ADAM7: variants seen among roughly 807,000 people sequenced by gnomAD.
ADAM7 encodes ADAM metallopeptidase domain 7, also known as disintegrin and metalloproteinase domain-containing protein 7.
ADAM7 carries 97 observed loss-of-function variants against 102.9 expected under a neutral mutation model. The observed-to-expected ratio is 0.94, with a 90% CI of 0.80 to 1.12. The LOEUF (loss-of-function observed/expected upper bound fraction) is 1.12, where lower values mean the gene tolerates loss of function less well. Ranked by LOEUF, ADAM7 falls within the 50% of genes most tolerant of loss-of-function variation. The pLI is 0.00. For synonymous variants in ADAM7, 334 were observed against 304.4 expected, an observed-to-expected ratio of 1.10 and a Z score of -1.01; for missense variants, 991 against 908.7, an observed-to-expected ratio of 1.09 and a Z score of -1.16.
At chr8:24,447,298 T>C in intron 3 of ADAM7, 36 bp downstream of exon 3, 1 of 1,250,874 alleles carries the variant, frequency 8.0e-7, no homozygotes, top group Non-Finnish European at 1.1e-6. Context: ...CTTATAGATT[T>C]TAGTAATTAT....
intron 10 of ADAM7, among the ~76,000 whole-genome samples, chr8:24,486,407 G>A (rs1295732539): frequency 6.6e-6 from 1 of 152,100 alleles, no homozygotes. Context: ...GTATAGCATT[G>A]TTGTGCAATG....
chr8:24,457,338 C>T (rs1338550365), intron 3 of ADAM7, among the ~76,000 whole-genome samples: 5 of 152,084 alleles, frequency 3.3e-5, no homozygotes, highest in Non-Finnish European at 5.9e-5. Context: ...TAGAGTGGCA[C>T]GATCTTGGCT....
intron 3 of ADAM7, among the ~76,000 whole-genome samples, chr8:24,449,886 G>A (rs1237935915): frequency 1.3e-5 from 2 of 152,110 alleles, no homozygotes; most frequent in Admixed American, 1.3e-4. Flanking sequence ...AGTTTTCCCA[G>A]CACCATTTAT....
rs1412770317 is a variant in ADAM7, at chr8:24,493,173, C to G, written c.1786C>G (p.His596Asp). 1 of 1,612,856 alleles carries G rather than the reference C, an allele frequency of 6.2e-7. No individual in the cohort carries two copies. ...TVKCKTIFLY[H>D]DSTDIGLVAS... ...CAAATGCAAAACTATTTTTTTATAC[C>G]ATGATTCTACAGACATTGGCCTGGT... is the stretch of plus-strand genomic sequence containing the variant. The change falls in exon 16 of 22, where the codon CAT becomes GAT. Residue 596 changes from histidine to aspartate, a missense_variant. Coordinates refer to ENST00000175238, the MANE Select transcript of ADAM7 (RefSeq NM_003817.4).
At chr8:24,461,481 A>G (rs2129380007) in intron 3 of ADAM7, among the ~76,000 whole-genome samples, 2 of 152,338 alleles carry the variant, frequency 1.3e-5, no homozygotes, top group South Asian at 4.1e-4. Context: ...AGTGATGTGC[A>G]AAGGTGTGAC....
chr8:24,502,956 G>A (rs936412728), intron 20 of ADAM7, among the ~76,000 whole-genome samples: 14 of 152,170 alleles, frequency 9.2e-5, no homozygotes, highest in African/African-American at 3.1e-4. Flanking sequence ...ACAAATATAG[G>A]TGCATGAATT....
chr8:24,504,612 T>G (rs1820888250), intron 20 of ADAM7, among the ~76,000 whole-genome samples: 1 of 152,128 alleles, frequency 6.6e-6, no homozygotes, highest in Admixed American at 6.6e-5. Context: ...ATAAAAATAT[T>G]ATATTGCCAG....
chr8:24,500,208 G>A lies in ADAM7; in HGVS notation c.1954G>A (p.Glu652Lys). ...VDGHGLQCHC[E>K]EGQAPVACEE... ...TGGCCACGGACTCCAGTGCCACTGT[G>A]AGGAAGGACAGGCACCTGTAGCCTG... The change falls in exon 18 of 22, where the codon GAG becomes AAG. Residue 652 changes from glutamate (E) to lysine (K), a missense_variant. Glu to Lys is a moderately conservative substitution (Grantham distance 56, BLOSUM62 1). Coordinates refer to ENST00000175238, the MANE Select transcript of ADAM7 (RefSeq NM_003817.4). The A allele has an allele frequency of 1.9e-6, 3 of 1,612,232 alleles. No individual in the cohort carries two copies. The highest frequency in any genetic ancestry group is 1.7e-6 in the Non-Finnish European group (2 of 1,178,740).
chr8:24,502,541 G>T (rs1820798104), intron 20 of ADAM7, among the ~76,000 whole-genome samples: 1 of 151,874 alleles, frequency 6.6e-6, no homozygotes. Flanking sequence ...TTAACATCAA[G>T]AATCAGAAAG....
intron 7 of ADAM7, among the ~76,000 whole-genome samples, chr8:24,470,729 G>C (rs1819576656): frequency 6.6e-6 from 1 of 152,144 alleles, no homozygotes; most frequent in Non-Finnish European, 1.5e-5. Context: ...TGCATTGCCA[G>C]TTGTATGAAA....
chr8:24,452,456 G>C (rs575138862), intron 3 of ADAM7, among the ~76,000 whole-genome samples: 10 of 150,898 alleles, frequency 6.6e-5, no homozygotes, highest in Admixed American at 5.3e-4. Context: ...TGTTTTATCA[G>C]AGACTAGGAT....
intron 3 of ADAM7, among the ~76,000 whole-genome samples, chr8:24,447,983 C>CAA (rs60405654): frequency 7.0e-6 from 1 of 142,906 alleles, no homozygotes; most frequent in Non-Finnish European, 1.5e-5. Context: ...CACACACACA[C>CAA]AATCCCAAAC....
Position 24,466,871 on chromosome 8 carries a change from G to A in ADAM7, c.462G>A (p.Leu154=), listed in dbSNP as rs1819443778. ...PVKYSDEGEH[L]VFKYNLRVPY... ...AATACTCAGATGAGGGAGAACATTT[G>A]GTGTTCAAATATAACCTGAGGGTGC... The change falls in exon 6 of 22, where the codon TTG becomes TTA. Residue 154 remains leucine (L), a synonymous_variant. Transcript: ENST00000175238. 6.2e-7 allele frequency: 1 copy of A among 1,613,864 alleles called. No homozygotes were observed. Among genetic ancestry groups the A allele is most frequent in the Admixed American group, 1.7e-5 (1 of 59,992 alleles).
chr8:24,491,016 A>G, intron 13 of ADAM7, 128 bp downstream of exon 13: 1 of 859,030 alleles, frequency 1.2e-6, no homozygotes, highest in South Asian at 1.7e-5. Context: ...GCAAGTACCC[A>G]ACAGAGATTC....
chr8:24,474,415 A>T (rs1819702835), intron 7 of ADAM7, among the ~76,000 whole-genome samples: 1 of 152,200 alleles, frequency 6.6e-6, no homozygotes, highest in South Asian at 2.1e-4. Flanking sequence ...TAGTTGCATT[A>T]AACTGGGCTT....
intron 2 of ADAM7, among the ~76,000 whole-genome samples, chr8:24,443,563 G>C (rs539214918): frequency 5.3e-5 from 8 of 152,312 alleles, no homozygotes; most frequent in African/African-American, 1.4e-4. Context: ...GCTTTCACCA[G>C]CTTTCTACCA....
At chr8:24,476,079 G>A (rs1383761554) in intron 7 of ADAM7, 3 of 401,784 alleles carry the variant, frequency 7.5e-6, no homozygotes, top group African/African-American at 6.3e-5. Context: ...TTGCTTTGTA[G>A]CTTTAATAGG....
chr8:24,471,694 T>C (rs953224970), intron 7 of ADAM7, among the ~76,000 whole-genome samples: 1 of 152,046 alleles, frequency 6.6e-6, no homozygotes, highest in Non-Finnish European at 1.5e-5. Context: ...AGAAATCACC[T>C]AAGAATTCAT....
intron 10 of ADAM7, among the ~76,000 whole-genome samples, chr8:24,485,694 T>C (rs542852102): frequency 7.1e-4 from 108 of 152,318 alleles, no homozygotes; most frequent in African/African-American, 2.3e-3. Context: ...GCTCATTTAA[T>C]AAGTGAGGAT....
Sources: allele counts gnomAD v4.1 joint callset (sites outside exome capture counted in the v4.1 genomes callset), GRCh38; gene constraint gnomAD v4.1.1; transcripts MANE v1.5; gene names NCBI Gene and HGNC (gene_info 2026-07-23, HGNC 2026-07-21).